CSMD1: variants seen among roughly 807,000 people sequenced by gnomAD.
CSMD1 encodes CUB and sushi domain-containing protein 1.
CSMD1 carries 213 observed loss-of-function variants against 417.5 expected under a neutral mutation model. The ratio of observed to expected loss-of-function variants is 0.51; its 90% CI spans 0.46 to 0.57. The LOEUF is 0.57. Ranked by LOEUF, CSMD1 falls within the 20% of genes least tolerant of loss-of-function variation. The pLI, the probability that CSMD1 is intolerant of heterozygous loss-of-function variation, is 0.00. For missense variants in CSMD1, 6,923 were observed against 4,529.7 expected (o/e 1.53, Z -15.17); for synonymous variants, 2,862 against 1,736.8 (o/e 1.65, Z -16.11).
At chr8:4,928,176 G>C (rs57424708) in intron 1 of CSMD1, among the ~76,000 whole-genome samples, 42,487 of 151,962 alleles carry the variant, frequency 0.28, 7,561 homozygotes, top group Non-Finnish European at 0.4. Context: ...CGTTGCCATT[G>C]GCACTGCCTG....
chr8:4,023,967 C>A (rs900694855), intron 4 of CSMD1, among the ~76,000 whole-genome samples: 4 of 151,648 alleles, frequency 2.6e-5, no homozygotes, highest in Non-Finnish European at 4.4e-5. Flanking sequence ...AGAGCGACTT[C>A]ATTATTATTA....
At chr8:3,913,620 G>C (rs1201735136) in intron 5 of CSMD1, among the ~76,000 whole-genome samples, 1 of 152,170 alleles carries the variant, frequency 6.6e-6, no homozygotes, top group Non-Finnish European at 1.5e-5. Flanking sequence ...AATGTACTTA[G>C]GGAAGTGGTG....
chr8:3,106,585 G>A lies in CSMD1; in HGVS notation c.6892C>T (p.Leu2298=). 1 of 1,613,884 alleles carries A rather than the reference G, an allele frequency of 6.2e-7. No individual in the cohort carries two copies. Among genetic ancestry groups the A allele is most frequent in the Non-Finnish European group, 8.5e-7 (1 of 1,179,834 alleles). The change falls in exon 46 of 70, where the codon CTG becomes TTG. Residue 2298 remains leucine, a synonymous_variant. Transcript: ENST00000635120. ...PGYTLVGTDI[L]TCKLSSQLQF... Reference sequence around the variant, plus strand: ...AACTGGGAACTGAGCTTGCAAGTCAGAATGTCGGTCCCCACCAAGGTGTAC... The same window carrying A: ...AACTGGGAACTGAGCTTGCAAGTCAAAATGTCGGTCCCCACCAAGGTGTAC...
chr8:3,829,651 G>C (rs1179432775), intron 5 of CSMD1, among the ~76,000 whole-genome samples: 1 of 152,176 alleles, frequency 6.6e-6, no homozygotes, highest in African/African-American at 2.4e-5. Context: ...AATTAGAGAT[G>C]TTCTATGATG....
intron 3 of CSMD1, among the ~76,000 whole-genome samples, chr8:4,068,298 A>C (rs1371133665): frequency 6.6e-6 from 1 of 152,112 alleles, no homozygotes; most frequent in African/African-American, 2.4e-5. Flanking sequence ...TAGCTGGAGG[A>C]CAGTGTATTG....
At chr8:3,612,197 T>A (rs925592746) in intron 8 of CSMD1, among the ~76,000 whole-genome samples, 4 of 152,114 alleles carry the variant, frequency 2.6e-5, no homozygotes, top group Non-Finnish European at 4.4e-5. Flanking sequence ...TAAAAAATGT[T>A]ACTCAGGGTA....
intron 5 of CSMD1, among the ~76,000 whole-genome samples, chr8:3,942,700 A>T (rs1199216667): frequency 6.6e-6 from 1 of 152,164 alleles, no homozygotes; most frequent in Non-Finnish European, 1.5e-5. Flanking sequence ...GCCCTTTTAA[A>T]TTTCTGTGTT....
chr8:4,835,104 G>C (rs1312974314), intron 1 of CSMD1, among the ~76,000 whole-genome samples: 1 of 151,616 alleles, frequency 6.6e-6, no homozygotes, highest in East Asian at 1.9e-4. Context: ...TTAGAAACCT[G>C]GGAATCATTT....
rs115038008 is a variant in CSMD1 at position 3,600,429 on chromosome 8, C to G, written c.1098-14169G>C. On this transcript the variant is annotated intron_variant, in intron 8 of 69. Transcript: ENST00000635120. ...ATGAATACAGAAACTTAAGAGGTCTCTAAACCAGCAGTTCTCAGCAAGGGT... is the reference window on the plus strand; with the variant it reads ...ATGAATACAGAAACTTAAGAGGTCTGTAAACCAGCAGTTCTCAGCAAGGGT... 9.4e-3 allele frequency among the ~76,000 whole-genome samples: 1,424 copies of G among 152,284 alleles called. 25 individuals carry two copies. Among genetic ancestry groups the G allele is most frequent in the African/African-American group, 0.033 (1,367 of 41,548 alleles).
chr8:3,043,454 G>C (rs573647079), intron 50 of CSMD1, among the ~76,000 whole-genome samples: 2 of 151,872 alleles, frequency 1.3e-5, no homozygotes, highest in Non-Finnish European at 2.9e-5. Flanking sequence ...CCTATCACTA[G>C]ATATGAGTAT....
At chr8:4,070,548 G>A (rs559078971) in intron 3 of CSMD1, among the ~76,000 whole-genome samples, 3 of 151,946 alleles carry the variant, frequency 2.0e-5, no homozygotes, top group East Asian at 1.9e-4. Context: ...TAGTAGAGAC[G>A]GGGTTTCACC....
intron 5 of CSMD1, among the ~76,000 whole-genome samples, chr8:3,828,034 G>C (rs1412304255): frequency 6.6e-6 from 1 of 152,180 alleles, no homozygotes; most frequent in Non-Finnish European, 1.5e-5. Context: ...ATGGATTTGT[G>C]TGTGATATAC....
intron 10 of CSMD1, among the ~76,000 whole-genome samples, chr8:3,529,036 G>C (rs185988840): frequency 6.6e-6 from 1 of 152,068 alleles, no homozygotes. Context: ...CAGAGCTTTC[G>C]AACAAGGCTC....
rs1808319502 is a variant in CSMD1, at chr8:3,350,161, G to A, written c.3305-2000C>T. Among the ~76,000 whole-genome samples, 6 of 118,136 alleles carry A rather than the reference G, an allele frequency of 5.1e-5. No individual in the cohort carries two copies. In the South Asian group the frequency reaches 1.6e-3, roughly 32 times the overall value. The allele number at this position is 118,136 out of a possible 152,430, so 77.5% of individuals were successfully genotyped here. A position where few individuals can be genotyped will look rare whatever the true frequency, so the allele number is the denominator to read the frequency against. ...AACCTATAATAACTTGTGTATGTGTGTGTTATAATACCTATAATAACCTAT... is the reference window on the plus strand; with the variant it reads ...AACCTATAATAACTTGTGTATGTGTATGTTATAATACCTATAATAACCTAT... On this transcript the variant is annotated intron_variant, in intron 21 of 69. Coordinates refer to ENST00000635120, the MANE Select transcript of CSMD1 (RefSeq NM_033225.6).
intron 3 of CSMD1, among the ~76,000 whole-genome samples, chr8:4,129,199 A>T (rs1466466848): frequency 6.6e-6 from 1 of 152,138 alleles, no homozygotes. Context: ...ATCTACACTT[A>T]ATATGTTCAA....
Position 4,098,276 on chromosome 8 carries a change from G to A in CSMD1, c.416-66177C>T, listed in dbSNP as rs1022879131. Among the ~76,000 whole-genome samples the A allele has an allele frequency of 2.0e-5, 3 of 152,082 alleles. No individual in the cohort carries two copies. In the South Asian group the frequency reaches 6.2e-4, roughly 32 times the overall value. On this transcript the variant is annotated intron_variant, in intron 3 of 69. Coordinates refer to ENST00000635120, the MANE Select transcript of CSMD1 (RefSeq NM_033225.6). ...ATGTACTTCAGATGTAATGGCATCA[G>A]AACAAAAGGCAAGTAATTTGGAACA...
At chr8:4,223,072 A>T (rs75923942) in intron 3 of CSMD1, among the ~76,000 whole-genome samples, 6 of 152,126 alleles carry the variant, frequency 3.9e-5, no homozygotes, top group African/African-American at 1.4e-4. Flanking sequence ...AGAGCTGCCT[A>T]AACAGCTGGT....
At chr8:4,342,201 G>A (rs1173518695) in intron 3 of CSMD1, among the ~76,000 whole-genome samples, 1 of 10,772 alleles carries the variant, frequency 9.3e-5, no homozygotes, top group Non-Finnish European at 2.2e-4. Flanking sequence ...CAGCAGTGCT[G>A]TGTCTGTGTG....
intron 54 of CSMD1, among the ~76,000 whole-genome samples, chr8:2,982,126 T>C (rs1442592106): frequency 1.3e-5 from 2 of 152,054 alleles, no homozygotes; most frequent in Non-Finnish European, 2.9e-5. Context: ...GAGGCCAAGG[T>C]GGGCAGATCA....
Sources: allele counts gnomAD v4.1 joint callset (sites outside exome capture counted in the v4.1 genomes callset), GRCh38; gene constraint gnomAD v4.1.1; transcripts MANE v1.5; gene names NCBI Gene and HGNC (gene_info 2026-07-23, HGNC 2026-07-21).